OPCML: variants seen among roughly 807,000 people sequenced by gnomAD.
The protein encoded by OPCML is opioid-binding protein/cell adhesion molecule.
Under a neutral mutation model 37.8 loss-of-function variants are expected in OPCML, and 13 were observed. The ratio of observed to expected loss-of-function variants is 0.34; its 90% confidence interval spans 0.22 to 0.55. The LOEUF (loss-of-function observed/expected upper bound fraction) is 0.55, where lower values mean the gene tolerates loss of function less well. Ranked by LOEUF, OPCML falls within the 20% of genes least tolerant of loss-of-function variation. The probability of loss-of-function intolerance (pLI) is 0.91; values close to 1 mark genes in which losing one functional copy is unlikely to be tolerated. For missense variants in OPCML, 341 were observed against 435.6 expected (o/e 0.78, Z 1.93); for synonymous variants, 176 against 168.8 (o/e 1.04, Z -0.33).
At chr11:132,694,762 G>A (rs1347981071) in intron 2 of OPCML, among the ~76,000 whole-genome samples, 3 of 152,098 alleles carry the variant, frequency 2.0e-5, no homozygotes, top group Non-Finnish European at 4.4e-5. Context: ...AAGAAGATGG[G>A]TATCTGCCCA....
intron 1 of OPCML, among the ~76,000 whole-genome samples, chr11:133,230,304 A>C (rs1411095374): frequency 6.6e-6 from 1 of 152,216 alleles, no homozygotes; most frequent in Non-Finnish European, 1.5e-5. Context: ...TCATGGGCAG[A>C]GGTACAAATG....
At chr11:132,428,738 T>A (rs7122052) in intron 7 of OPCML, among the ~76,000 whole-genome samples, 12,799 of 152,238 alleles carry the variant, frequency 0.084, 1,481 homozygotes, top group African/African-American at 0.26. Flanking sequence ...CTGGGGGAAT[T>A]CAGTAACATC....
chr11:133,442,909 C>T (rs747826271), intron 1 of OPCML, among the ~76,000 whole-genome samples: 3 of 151,960 alleles, frequency 2.0e-5, no homozygotes, highest in Non-Finnish European at 4.4e-5. Flanking sequence ...AATAGAAGTG[C>T]GTTTGGTTGG....
intron 2 of OPCML, among the ~76,000 whole-genome samples, chr11:132,713,891 C>T (rs2135956795): frequency 6.6e-6 from 1 of 152,280 alleles, no homozygotes; most frequent in East Asian, 1.9e-4. Flanking sequence ...AAAATGATCC[C>T]CTTTCCTATT....
rs578223262 is a variant in OPCML at position 133,173,491 on chromosome 11, C to T, written c.62-230481G>A. Among the ~76,000 whole-genome samples, 4 of 152,314 alleles carry T rather than the reference C, an allele frequency of 2.6e-5. No homozygotes were observed. In the South Asian group the frequency reaches 8.3e-4, roughly 32 times the overall value. On this transcript the variant is annotated intron_variant, in intron 1 of 7. Coordinates refer to ENST00000524381, the MANE Select transcript of OPCML (RefSeq NM_001012393.5). The surrounding 1 kb of genome is among the most constrained non-coding windows in gnomAD (Gnocchi z 7.8). ...GCCACAGATGGATTCCTAGAATCTA[C>T]AGCAGAGTGTCCCCAACAATCTTTT...
intron 1 of OPCML, among the ~76,000 whole-genome samples, chr11:133,124,687 C>A (rs1949472960): frequency 6.6e-6 from 1 of 152,162 alleles, no homozygotes; most frequent in Admixed American, 6.5e-5. Context: ...TCATCACGTT[C>A]TGCAACCCTG....
At chr11:133,258,824 C>G (rs1941403600) in intron 1 of OPCML, among the ~76,000 whole-genome samples, 1 of 152,110 alleles carries the variant, frequency 6.6e-6, no homozygotes, top group Non-Finnish European at 1.5e-5. Flanking sequence ...CTCCACCCAG[C>G]CTGCCCCTGC....
At chr11:132,469,797 G>A (rs1323778039) in intron 4 of OPCML, among the ~76,000 whole-genome samples, 1 of 87,622 alleles carries the variant, frequency 1.1e-5, no homozygotes, top group African/African-American at 3.5e-5. Context: ...TGTGTGGAGG[G>A]GTGTGTGTGT....
At chr11:132,923,697 G>T (rs1299045731) in intron 2 of OPCML, among the ~76,000 whole-genome samples, 1 of 150,160 alleles carries the variant, frequency 6.7e-6, no homozygotes, top group African/African-American at 2.5e-5. Flanking sequence ...CAATCTACCT[G>T]CCTCTGTCAA....
chr11:132,478,481 A>T (rs1016019744), intron 4 of OPCML, among the ~76,000 whole-genome samples: 3 of 152,200 alleles, frequency 2.0e-5, no homozygotes, highest in African/African-American at 7.2e-5. Flanking sequence ...ACACATCCTT[A>T]ACATGAGCCC....
intron 1 of OPCML, among the ~76,000 whole-genome samples, chr11:132,954,765 G>C (rs542973261): frequency 6.6e-5 from 10 of 152,272 alleles, no homozygotes; most frequent in Middle Eastern, 3.4e-3. Flanking sequence ...GCAGGAGTGA[G>C]AAGAAATGTG....
intron 4 of OPCML, among the ~76,000 whole-genome samples, chr11:132,458,856 G>A (rs1000605992): frequency 6.6e-6 from 1 of 152,126 alleles, no homozygotes; most frequent in Non-Finnish European, 1.5e-5. Flanking sequence ...GTTGACATAT[G>A]TGAAGAAAAT....
chr11:132,530,291 G>A (rs985629711), intron 3 of OPCML, among the ~76,000 whole-genome samples: 2 of 145,452 alleles, frequency 1.4e-5, no homozygotes, highest in African/African-American at 2.4e-5. Context: ...TCACCTCCAG[G>A]CCTTGATGCT....
intron 2 of OPCML, among the ~76,000 whole-genome samples, chr11:132,800,332 T>C (rs1938571396): frequency 1.3e-5 from 2 of 152,344 alleles, no homozygotes; most frequent in South Asian, 4.1e-4. Flanking sequence ...ATTTTCTATA[T>C]ACAATGTCAT....
At chr11:132,949,323 C>T (rs1008776914) in intron 1 of OPCML, among the ~76,000 whole-genome samples, 3 of 152,200 alleles carry the variant, frequency 2.0e-5, no homozygotes, top group Admixed American at 1.3e-4. Context: ...GGTGATGGAA[C>T]GTAGCTCGTG....
chr11:132,470,253 A>C (rs1262831093), intron 4 of OPCML, among the ~76,000 whole-genome samples: 1 of 152,124 alleles, frequency 6.6e-6, no homozygotes, highest in Non-Finnish European at 1.5e-5. Context: ...GCAACAGTAC[A>C]GGAGAGGGAG....
intron 1 of OPCML, among the ~76,000 whole-genome samples, chr11:133,440,259 C>T (rs1325716472): frequency 6.6e-6 from 1 of 151,868 alleles, no homozygotes; most frequent in Admixed American, 6.6e-5. Context: ...ATTAACCAGG[C>T]ATGGTGGTGC....
intron 1 of OPCML, among the ~76,000 whole-genome samples, chr11:132,946,614 G>A (rs1408119222): frequency 1.3e-5 from 2 of 152,138 alleles, no homozygotes; most frequent in East Asian, 3.9e-4. Context: ...GTCATTGACA[G>A]AGCATTGTTA....
intron 1 of OPCML, among the ~76,000 whole-genome samples, chr11:133,250,422 G>A (rs1941087628): frequency 6.8e-6 from 1 of 146,000 alleles, no homozygotes; most frequent in African/African-American, 2.5e-5. Context: ...AAGGAAGGAA[G>A]GAAAGAAGGA....
Sources: gnomAD v4.1 joint callset for allele counts (sites outside exome capture counted in the v4.1 genomes callset) on GRCh38, gnomAD v4.1.1 for gene constraint, Gnocchi (gnomAD v3.1) non-coding constraint, MANE v1.5 for transcripts, NCBI Gene and HGNC (gene_info 2026-07-23, HGNC 2026-07-21) for gene names.